The following CYB5R4 variants were observed in gnomAD, a reference collection of about 807,000 sequenced individuals.
The protein encoded by CYB5R4 is cytochrome b5 reductase 4, also known as N-terminal cytochrome b5 and cytochrome b5 oxidoreductase domain-containing protein.
A neutral mutation model predicts 70.2 loss-of-function variants in CYB5R4; 55 were observed. That is an observed-to-expected ratio of 0.78 (90% CI 0.63 to 0.98). CYB5R4 has a LOEUF of 0.98. CYB5R4 is among the 50% of genes least tolerant of loss of function. The pLI, the probability that CYB5R4 is intolerant of heterozygous loss-of-function variation, is 0.00. For synonymous variants in CYB5R4, 197 were observed against 199.5 expected, an observed-to-expected ratio of 0.99 and a Z score of 0.11; for missense variants, 562 against 612.6, an observed-to-expected ratio of 0.92 and a Z score of 0.87.
intron 9 of CYB5R4, among the ~76,000 whole-genome samples, chr6:83,922,902 T>C (rs2099466627): frequency 6.6e-6 from 1 of 152,010 alleles, no homozygotes; most frequent in South Asian, 2.1e-4. Flanking sequence ...GATCCTCCCG[T>C]CTCAGCCTCC....
At chr6:83,862,997 T>A (rs1384734999) in intron 1 of CYB5R4, among the ~76,000 whole-genome samples, 1 of 152,210 alleles carries the variant, frequency 6.6e-6, no homozygotes, top group Non-Finnish European at 1.5e-5. Context: ...TATGTAAACA[T>A]CCTTGAATGT....
intron 3 of CYB5R4, among the ~76,000 whole-genome samples, chr6:83,904,941 G>A (rs1462153192): frequency 1.3e-5 from 2 of 151,442 alleles, no homozygotes; most frequent in African/African-American, 4.8e-5. Context: ...TGTTCCTTTG[G>A]AAGTGTCATA....
chr6:83,940,604 A>T lies in CYB5R4; in HGVS notation c.1346+3A>T. ...AAATTAGCATTTAAAGATAAAAGGT[A>T]TTAAACTGATATTAGCTCTGCGTTT... On this transcript the variant is annotated splice_donor_region_variant and intron_variant, in intron 14 of 15. Transcript: ENST00000369681. 6.3e-7 allele frequency: 1 copy of T among 1,597,400 alleles called. No homozygotes were observed. Among genetic ancestry groups the T allele is most frequent in the Non-Finnish European group, 8.5e-7 (1 of 1,174,558 alleles).
intron 3 of CYB5R4, among the ~76,000 whole-genome samples, chr6:83,894,134 G>A (rs2099461526): frequency 6.6e-6 from 1 of 152,108 alleles, no homozygotes; most frequent in South Asian, 2.1e-4. Context: ...TAGCATGATG[G>A]CAGAGATTCT....
chr6:83,897,595 G>A (rs1454085044), intron 3 of CYB5R4, among the ~76,000 whole-genome samples: 109 of 152,282 alleles, frequency 7.2e-4, no homozygotes, highest in South Asian at 1.2e-3. Flanking sequence ...ATTCTAACTG[G>A]TGGGAGATGG....
At chr6:83,944,543 C>G (rs1026894541) in intron 14 of CYB5R4, among the ~76,000 whole-genome samples, 1 of 152,232 alleles carries the variant, frequency 6.6e-6, no homozygotes. Flanking sequence ...GGCAAAATAA[C>G]CAGCTAGCAT....
At chr6:83,865,226 C>T (rs1388861806) in intron 2 of CYB5R4, among the ~76,000 whole-genome samples, 1 of 152,120 alleles carries the variant, frequency 6.6e-6, no homozygotes, top group Non-Finnish European at 1.5e-5. Flanking sequence ...GTAACACTTA[C>T]TTTTAAGAAG....
chr6:83,891,607 A>G (rs1289469385), intron 2 of CYB5R4, among the ~76,000 whole-genome samples: 1 of 152,216 alleles, frequency 6.6e-6, no homozygotes, highest in Non-Finnish European at 1.5e-5. Flanking sequence ...TTTGATCTAA[A>G]GCATCTTGGA....
intron 10 of CYB5R4, among the ~76,000 whole-genome samples, chr6:83,925,799 TTCTTCTAATTATCTTA>T (rs1221439683): frequency 6.6e-6 from 1 of 152,216 alleles, no homozygotes; most frequent in Non-Finnish European, 1.5e-5. Flanking sequence ...TCCTTAACTG[TTCTTCTAATTATCTTA>T]TCTTTTCTCT....
At position 83,934,604 on chromosome 6, in the gene CYB5R4, A is replaced by T; in HGVS notation, c.824A>T (p.Tyr275Phe). The T allele has an allele frequency of 6.2e-7, 1 of 1,609,402 alleles. No homozygotes were observed. The highest frequency in any genetic ancestry group is 8.5e-7 in the Non-Finnish European group (1 of 1,176,320). The change falls in exon 11 of 16, where the codon TAC becomes TTC. Residue 275 changes from tyrosine to phenylalanine, a missense_variant. Tyr to Phe is a conservative substitution (Grantham distance 22). Coordinates refer to ENST00000369681, the MANE Select transcript of CYB5R4 (RefSeq NM_016230.4). ...LIPRKDTGLY[Y>F]RKCQLISKED... ...ATGAATCACTTTTTAGGTTTGTACT[A>T]CAGAAAGTGCCAGTTAATTTCCAAG... is the stretch of plus-strand genomic sequence containing the variant.
chr6:83,914,831 G>A (rs916361560), intron 5 of CYB5R4, among the ~76,000 whole-genome samples: 2 of 107,252 alleles, frequency 1.9e-5, no homozygotes, highest in South Asian at 3.6e-4. Context: ...CACTGTGCCC[G>A]GCCTAGATTT....
At chr6:83,940,731 C>T (rs2099469622) in intron 14 of CYB5R4, 130 bp downstream of exon 14, 3 of 1,091,892 alleles carry the variant, frequency 2.7e-6, no homozygotes, top group Admixed American at 3.7e-5. Context: ...ACCAATAATT[C>T]TCTAACTAGA....
intron 12 of CYB5R4, among the ~76,000 whole-genome samples, chr6:83,937,583 G>T (rs553617911): frequency 1.3e-5 from 2 of 152,128 alleles, no homozygotes; most frequent in Non-Finnish European, 2.9e-5. Context: ...GCAGTGGCTC[G>T]ATCTCAGCTC....
intron 6 of CYB5R4, 39 bp from the exon 7 acceptor site, chr6:83,919,358 G>A (rs1445167583): frequency 3.6e-6 from 4 of 1,101,042 alleles, no homozygotes; most frequent in Non-Finnish European, 5.3e-6. Context: ...GCACATGATT[G>A]TCAATATAAT....
chr6:83,897,197 G>A (rs1286714837), intron 3 of CYB5R4, among the ~76,000 whole-genome samples: 2 of 152,104 alleles, frequency 1.3e-5, no homozygotes, highest in Non-Finnish European at 2.9e-5. Flanking sequence ...TGCTGAGAAT[G>A]ATGGTTTCCA....
At chr6:83,918,176 G>A in intron 6 of CYB5R4, 111 bp downstream of exon 6, 1 of 697,544 alleles carries the variant, frequency 1.4e-6, no homozygotes, top group Non-Finnish European at 2.5e-6. Flanking sequence ...TGTTAGTCAT[G>A]CTCTTTGACA....
chr6:83,909,928 T>C, intron 4 of CYB5R4: 1 of 1,175,426 alleles, frequency 8.5e-7, no homozygotes, highest in South Asian at 1.4e-5. Flanking sequence ...AAGGATTTTC[T>C]GGCCTAAAAT....
At chr6:83,907,828 C>G (rs2099464050) in intron 3 of CYB5R4, among the ~76,000 whole-genome samples, 1 of 152,094 alleles carries the variant, frequency 6.6e-6, no homozygotes, top group African/African-American at 2.4e-5. Context: ...TTATGGCTGC[C>G]TAGTATTCCA....
Position 83,933,941 on chromosome 6 carries a change from A to T in CYB5R4, c.815-654A>T, listed in dbSNP as rs1423086644. 2.0e-5 allele frequency among the ~76,000 whole-genome samples: 3 copies of T among 152,204 alleles called. No individual in the cohort carries two copies. In the South Asian group the frequency reaches 6.2e-4, roughly 31 times the overall value. On this transcript the variant is annotated intron_variant, in intron 10 of 15. Transcript: ENST00000369681. ...GTTTTAATCATTTTTGACAGTTAAAATGTTCTCTAATCATGTATATAAAAT... is the reference window on the plus strand; with the variant it reads ...GTTTTAATCATTTTTGACAGTTAAATTGTTCTCTAATCATGTATATAAAAT...
Sources: allele counts gnomAD v4.1 joint callset (sites outside exome capture counted in the v4.1 genomes callset), GRCh38; gene constraint gnomAD v4.1.1; transcripts MANE v1.5; gene names NCBI Gene and HGNC (gene_info 2026-07-23, HGNC 2026-07-21).